The following SEMA5A variants were observed in gnomAD, a reference collection of about 807,000 sequenced individuals.
SEMA5A encodes semaphorin-5A.
SEMA5A carries 55 observed loss-of-function variants against 135.5 expected under a neutral mutation model. The ratio of observed to expected loss-of-function variants is 0.41; its 90% CI spans 0.33 to 0.51. The LOEUF (loss-of-function observed/expected upper bound fraction) is 0.51, where lower values mean the gene tolerates loss of function less well. SEMA5A is among the 20% of genes least tolerant of loss of function. SEMA5A has a pLI of 0.37. For missense variants in SEMA5A, 1,290 were observed against 1,419.9 expected, an observed-to-expected ratio of 0.91 and a Z score of 1.47; for synonymous variants, 580 against 546.5, an observed-to-expected ratio of 1.06 and a Z score of -0.85.
chr5:9,306,856 G>T (rs897469873), intron 5 of SEMA5A, among the ~76,000 whole-genome samples: 9 of 152,102 alleles, frequency 5.9e-5, no homozygotes, highest in African/African-American at 2.2e-4. Context: ...CCTTCATCTT[G>T]AATCAGAAAC....
intron 1 of SEMA5A, among the ~76,000 whole-genome samples, chr5:9,451,138 C>G (rs1015845370): frequency 6.6e-6 from 1 of 152,126 alleles, no homozygotes; most frequent in Admixed American, 6.5e-5. Flanking sequence ...TTGTCGGTTA[C>G]GCTTCTCATC....
At chr5:9,437,210 GCTAAGAAGCAT>G (rs1173166863) in intron 2 of SEMA5A, among the ~76,000 whole-genome samples, 2 of 152,222 alleles carry the variant, frequency 1.3e-5, no homozygotes, top group Non-Finnish European at 2.9e-5. Flanking sequence ...CGCAGAAGAT[GCTAAGAAGCAT>G]CTAAGCCTTT....
chr5:9,169,583 A>G (rs997117951), intron 11 of SEMA5A, among the ~76,000 whole-genome samples: 1 of 152,180 alleles, frequency 6.6e-6, no homozygotes, highest in Non-Finnish European at 1.5e-5. Flanking sequence ...GGGCTTGCTC[A>G]CCTGACATTC....
intron 5 of SEMA5A, among the ~76,000 whole-genome samples, chr5:9,299,832 C>T (rs1751523004): frequency 6.6e-6 from 1 of 152,158 alleles, no homozygotes; most frequent in Admixed American, 6.5e-5. Flanking sequence ...CTTCACGTCT[C>T]CTTCCCTGAT....
intron 2 of SEMA5A, among the ~76,000 whole-genome samples, chr5:9,384,319 C>A (rs1247243310): frequency 6.6e-6 from 1 of 152,074 alleles, no homozygotes; most frequent in Non-Finnish European, 1.5e-5. Flanking sequence ...GTAGGAGGAA[C>A]ACATTCATAC....
intron 11 of SEMA5A, among the ~76,000 whole-genome samples, chr5:9,165,607 C>T (rs1388211824): frequency 3.9e-5 from 6 of 152,146 alleles, no homozygotes; most frequent in Admixed American, 3.9e-4. Context: ...TCCAGTTGTG[C>T]ATTTGGATTC....
intron 11 of SEMA5A, among the ~76,000 whole-genome samples, chr5:9,185,766 T>A (rs749247568): frequency 1.4e-4 from 22 of 152,066 alleles, no homozygotes; most frequent in Non-Finnish European, 2.8e-4. Context: ...AAAGTGAAAA[T>A]AAAAATGATA....
chr5:9,297,823 A>T (rs1171465156), intron 5 of SEMA5A, among the ~76,000 whole-genome samples: 1 of 151,978 alleles, frequency 6.6e-6, no homozygotes, highest in Admixed American at 6.6e-5. Context: ...TGGCCACCCA[A>T]ATCACTGGGG....
At chr5:9,112,934 G>T (rs561935012) in intron 15 of SEMA5A, among the ~76,000 whole-genome samples, 25 of 152,358 alleles carry the variant, frequency 1.6e-4, no homozygotes, top group African/African-American at 4.6e-4. Flanking sequence ...GGACCCAGTT[G>T]TCAAGGAATT....
intron 1 of SEMA5A, among the ~76,000 whole-genome samples, chr5:9,446,382 A>C (rs752107510): frequency 6.6e-6 from 1 of 152,152 alleles, no homozygotes; most frequent in Non-Finnish European, 1.5e-5. Context: ...AAAACTAAGC[A>C]AGTGCTCAAA....
chr5:9,134,648 A>G (rs935409052), intron 13 of SEMA5A, among the ~76,000 whole-genome samples: 1 of 152,158 alleles, frequency 6.6e-6, no homozygotes, highest in Non-Finnish European at 1.5e-5. Flanking sequence ...TTACATAATT[A>G]GTATCTCTCA....
chr5:9,507,982 C>T (rs1237460839), intron 1 of SEMA5A, among the ~76,000 whole-genome samples: 9 of 144,182 alleles, frequency 6.2e-5, no homozygotes, highest in East Asian at 2.0e-4. Flanking sequence ...CCAGCCTGGG[C>T]GAGAGAGCAA....
At chr5:9,494,150 G>T (rs1396748486) in intron 1 of SEMA5A, among the ~76,000 whole-genome samples, 1 of 152,022 alleles carries the variant, frequency 6.6e-6, no homozygotes, top group African/African-American at 2.4e-5. Flanking sequence ...TGTGCAATTG[G>T]TATTGTGGGC....
rs1052370476 is a variant in SEMA5A, at chr5:9,546,033, C to T, written c.-624G>A. 4.6e-5 allele frequency: 7 copies of T among 152,198 alleles called. No homozygotes were observed. The highest frequency in any genetic ancestry group is 3.3e-4 in the Admixed American group (5 of 15,262). 9.4% of individuals were successfully genotyped at this position (152,198 alleles called of 1,614,324 possible). ...CGGGAAAGCAGCGCTCGGGAGCGGG[C>T]TCAGGGAGAGCAGCCGCCACCGGCG... On this transcript the variant is annotated 5_prime_UTR_variant, in exon 1 of 23. Transcript: ENST00000382496.
chr5:9,316,973 C>T (rs1046868707), intron 5 of SEMA5A, among the ~76,000 whole-genome samples: 27 of 152,118 alleles, frequency 1.8e-4, no homozygotes, highest in African/African-American at 2.4e-5. Flanking sequence ...ACCTTCTGGG[C>T]CCCTGGAAAC....
At chr5:9,511,502 C>A (rs1177799101) in intron 1 of SEMA5A, 1 of 152,100 alleles carries the variant, frequency 6.6e-6, no homozygotes, top group Non-Finnish European at 1.5e-5. Context: ...TCTCTGATAT[C>A]CTGGAGACAG....
intron 2 of SEMA5A, among the ~76,000 whole-genome samples, chr5:9,431,288 C>T (rs1217450682): frequency 1.3e-5 from 2 of 152,174 alleles, no homozygotes; most frequent in East Asian, 1.9e-4. Flanking sequence ...CAGTAAACAA[C>T]TTAGATCAAC....
rs114853223 is a variant in SEMA5A at position 9,255,430 on chromosome 5, C to T, written c.271-17540G>A. Among the ~76,000 whole-genome samples the T allele has an allele frequency of 8.3e-3, 1,262 of 152,242 alleles. 13 individuals carry two copies. Among genetic ancestry groups the T allele is most frequent in the African/African-American group, 0.029 (1,214 of 41,552 alleles). ...TTTGTTGAGCGTGAGAAACAATGTG[C>T]CCTAACACAAAGACATACGGCTTGA... On this transcript the variant is annotated intron_variant, in intron 5 of 22. Transcript: ENST00000382496.
intron 12 of SEMA5A, among the ~76,000 whole-genome samples, chr5:9,146,692 T>C (rs1255664635): frequency 6.6e-6 from 1 of 152,174 alleles, no homozygotes; most frequent in Non-Finnish European, 1.5e-5. Context: ...AATTTCTTAT[T>C]ACACTCTGAG....
Sources: gnomAD v4.1 joint callset for allele counts (sites outside exome capture counted in the v4.1 genomes callset) on GRCh38, gnomAD v4.1.1 for gene constraint, MANE v1.5 for transcripts, NCBI Gene and HGNC (gene_info 2026-07-23, HGNC 2026-07-21) for gene names.